The following UVRAG variants were observed in gnomAD, a reference collection of about 807,000 sequenced individuals.
UVRAG encodes UV radiation resistance associated.
A neutral mutation model predicts 78.0 loss-of-function variants in UVRAG; 19 were observed. That is an observed-to-expected ratio of 0.24 (90% CI 0.17 to 0.36). The LOEUF is 0.36. Among genes scored for constraint, UVRAG ranks in the 10% least tolerant of loss-of-function variants. The probability of loss-of-function intolerance (pLI) is 1.00; values close to 1 mark genes in which losing one functional copy is unlikely to be tolerated. For synonymous variants in UVRAG, 323 were observed against 324.6 expected (o/e 1.00, Z 0.05); for missense variants, 740 against 853.8 (o/e 0.87, Z 1.66).
intron 5 of UVRAG, among the ~76,000 whole-genome samples, chr11:75,908,846 T>TGAGTCATTTTGGTA (rs990622062): frequency 6.6e-6 from 1 of 151,866 alleles, no homozygotes; most frequent in Non-Finnish European, 1.5e-5. Context: ...TGTTTCTTCT[T>TGAGTCATTTTGGTA]GAGTCATTTT....
intron 6 of UVRAG, among the ~76,000 whole-genome samples, chr11:75,941,928 A>G (rs543996320): frequency 6.6e-5 from 10 of 152,156 alleles, no homozygotes; most frequent in Non-Finnish European, 1.3e-4. Flanking sequence ...ATTTTTAAAA[A>G]GGAGAGAAAG....
intron 12 of UVRAG, among the ~76,000 whole-genome samples, chr11:76,060,959 G>A (rs536806061): frequency 3.3e-5 from 5 of 152,370 alleles, no homozygotes; most frequent in African/African-American, 4.8e-5. Flanking sequence ...GGCGCATGGC[G>A]CGGGACTGGC....
At chr11:75,985,273 G>A (rs565628910) in intron 8 of UVRAG, among the ~76,000 whole-genome samples, 1 of 147,718 alleles carries the variant, frequency 6.8e-6, no homozygotes, top group Admixed American at 6.9e-5. Context: ...TTATTTTCCT[G>A]AAGACTAATG....
At chr11:75,847,919 C>T (rs182470723) in intron 1 of UVRAG, among the ~76,000 whole-genome samples, 1,512 of 148,058 alleles carry the variant, frequency 0.01, 26 homozygotes, top group African/African-American at 0.036. Context: ...TGCAGTGAGC[C>T]GAGATCGCAC....
intron 6 of UVRAG, among the ~76,000 whole-genome samples, chr11:75,948,530 A>G (rs535161895): frequency 9.2e-5 from 14 of 152,328 alleles, no homozygotes; most frequent in African/African-American, 3.4e-4. Flanking sequence ...GTGATTCATG[A>G]CTATCATGGA....
intron 4 of UVRAG, among the ~76,000 whole-genome samples, chr11:75,884,240 T>TCTCTCTCTCTCTCTC (rs1555080662): frequency 3.0e-5 from 4 of 132,466 alleles, no homozygotes; most frequent in East Asian, 2.8e-4. Flanking sequence ...CTCTCTCTCT[T>TCTCTCTCTCTCTCTC]TCTCTCTCTC....
intron 5 of UVRAG, among the ~76,000 whole-genome samples, chr11:75,901,473 A>G (rs1375418447): frequency 1.3e-5 from 2 of 152,134 alleles, no homozygotes; most frequent in Admixed American, 6.5e-5. Context: ...GATGTTTCAG[A>G]GATACATATG....
intron 4 of UVRAG, among the ~76,000 whole-genome samples, chr11:75,886,852 ATTT>A (rs111413713): frequency 6.9e-6 from 1 of 144,478 alleles, no homozygotes; most frequent in Non-Finnish European, 1.5e-5. Context: ...CGGCAGAAGA[ATTT>A]TTTTTTTTTT....
intron 13 of UVRAG, among the ~76,000 whole-genome samples, chr11:76,101,612 T>C (rs1951881240): frequency 6.6e-6 from 1 of 152,214 alleles, no homozygotes; most frequent in Admixed American, 6.5e-5. Flanking sequence ...TTTTTGCCTT[T>C]GTTGCAGTTG....
intron 6 of UVRAG, among the ~76,000 whole-genome samples, chr11:75,928,887 AG>A (rs1948169363): frequency 7.5e-6 from 1 of 132,716 alleles, no homozygotes. Flanking sequence ...GCTTGCAGTG[AG>A]CTGAGATCAT....
At chr11:75,979,309 G>C (rs1375509596) in intron 7 of UVRAG, among the ~76,000 whole-genome samples, 4 of 152,222 alleles carry the variant, frequency 2.6e-5, no homozygotes, top group Non-Finnish European at 4.4e-5. Context: ...TCCCAGTTAG[G>C]CTACTTGGGG....
chr11:75,977,124 G>T (rs1198243249), intron 7 of UVRAG, among the ~76,000 whole-genome samples: 2 of 152,074 alleles, frequency 1.3e-5, no homozygotes, highest in Non-Finnish European at 2.9e-5. Context: ...ATTTCATTAT[G>T]TACCCAGTAG....
At chr11:75,880,407 A>G (rs965755243) in intron 4 of UVRAG, among the ~76,000 whole-genome samples, 11 of 152,208 alleles carry the variant, frequency 7.2e-5, no homozygotes, top group African/African-American at 2.2e-4. Flanking sequence ...ATATCACGTT[A>G]AATACCTCTC....
chr11:75,900,198 G>T (rs539556923), intron 5 of UVRAG, among the ~76,000 whole-genome samples: 2 of 152,112 alleles, frequency 1.3e-5, no homozygotes, highest in Non-Finnish European at 2.9e-5. Context: ...AACAGAGTTC[G>T]ACTTGTTCTC....
intron 6 of UVRAG, among the ~76,000 whole-genome samples, chr11:75,913,063 T>TTTTAATGCCTG (rs1479007356): frequency 2.0e-5 from 3 of 152,202 alleles, no homozygotes; most frequent in Non-Finnish European, 4.4e-5. Context: ...AGTAAACATA[T>TTTTAATGCCTG]TTTAATGCCT....
intron 3 of UVRAG, among the ~76,000 whole-genome samples, chr11:75,869,208 A>G (rs1173604244): frequency 2.0e-5 from 3 of 152,216 alleles, no homozygotes; most frequent in African/African-American, 7.2e-5. Context: ...AGTCTGCTAG[A>G]GGGCTAACAG....
chr11:75,865,778 C>A (rs1167957759), intron 3 of UVRAG, among the ~76,000 whole-genome samples: 2 of 152,012 alleles, frequency 1.3e-5, no homozygotes, highest in African/African-American at 4.8e-5. Context: ...GCATGCCCGG[C>A]TAATTTTTGT....
chr11:75,852,211 C>A (rs1233784684), intron 2 of UVRAG, among the ~76,000 whole-genome samples: 2 of 152,114 alleles, frequency 1.3e-5, no homozygotes, highest in Non-Finnish European at 2.9e-5. Flanking sequence ...TACATTGATA[C>A]GTTTATCATT....
In UVRAG at chr11:75,830,717, G is replaced by C. The variant is rs1945636685; in HGVS notation, c.117+15193G>C. 2.6e-5 allele frequency among the ~76,000 whole-genome samples: 4 copies of C among 152,192 alleles called. No individual in the cohort carries two copies. The South Asian group carries it at 8.3e-4, about 32-fold the overall frequency. On this transcript the variant is annotated intron_variant, in intron 1 of 14. Coordinates refer to ENST00000356136, the MANE Select transcript of UVRAG (RefSeq NM_003369.4). ...AGAAGACTAGGTTATCTGTAGCTCTGTGCACATTTTTAACCTCTGTGTGCC... is the reference window on the plus strand; with the variant it reads ...AGAAGACTAGGTTATCTGTAGCTCTCTGCACATTTTTAACCTCTGTGTGCC...
Sources: allele counts gnomAD v4.1 joint callset (sites outside exome capture counted in the v4.1 genomes callset), GRCh38; gene constraint gnomAD v4.1.1; transcripts MANE v1.5; gene names NCBI Gene and HGNC (gene_info 2026-07-23, HGNC 2026-07-21).